The following PARM1 variants were observed in gnomAD, a reference collection of about 807,000 sequenced individuals.
The protein encoded by PARM1 is WSC4, cell wall integrity and stress response component 4 homolog.
PARM1 carries 14 observed loss-of-function variants against 24.6 expected under a neutral mutation model. The observed-to-expected ratio is 0.57, with a 90% CI of 0.38 to 0.89. PARM1 has a LOEUF of 0.89. Ranked by LOEUF, PARM1 falls within the 40% of genes least tolerant of loss-of-function variation. PARM1 has a pLI of 0.00. For missense variants in PARM1, 362 were observed against 380.4 expected, an observed-to-expected ratio of 0.95 and a Z score of 0.40; for synonymous variants, 179 against 156.6, an observed-to-expected ratio of 1.14 and a Z score of -1.07.
intron 1 of PARM1, among the ~76,000 whole-genome samples, chr4:74,947,229 A>G (rs1299733807): frequency 6.6e-6 from 1 of 152,232 alleles, no homozygotes; most frequent in Non-Finnish European, 1.5e-5. Context: ...AATTCCAACA[A>G]TCAAGTCACA....
chr4:75,024,283 G>T (rs1340170328), intron 2 of PARM1, among the ~76,000 whole-genome samples: 1 of 151,782 alleles, frequency 6.6e-6, no homozygotes, highest in East Asian at 1.9e-4. Flanking sequence ...GCAAGTTCCT[G>T]CATGGCCTTG....
intron 1 of PARM1, among the ~76,000 whole-genome samples, chr4:74,936,986 G>A (rs577488799): frequency 1.1e-4 from 17 of 152,240 alleles, no homozygotes; most frequent in African/African-American, 3.6e-4. Flanking sequence ...CTGCGCAGAC[G>A]TATTGGTCCC....
chr4:74,934,952 GTGTAT>G (rs2109977440), intron 1 of PARM1, among the ~76,000 whole-genome samples: 1 of 150,566 alleles, frequency 6.6e-6, no homozygotes, highest in Admixed American at 6.6e-5. Flanking sequence ...CTAACAAACA[GTGTAT>G]TGTAGCTTCC....
intron 1 of PARM1, among the ~76,000 whole-genome samples, chr4:74,996,976 A>G (rs1560786849): frequency 6.6e-6 from 1 of 152,234 alleles, no homozygotes; most frequent in Non-Finnish European, 1.5e-5. Context: ...TTTTCAAAAA[A>G]TAATTTTGGC....
At chr4:74,975,052 T>A (rs940311301) in intron 1 of PARM1, among the ~76,000 whole-genome samples, 2 of 152,194 alleles carry the variant, frequency 1.3e-5, no homozygotes, top group African/African-American at 4.8e-5. Context: ...GCAAGTAATA[T>A]GGGCAGCATC....
chr4:74,957,823 C>T (rs1721673183), intron 1 of PARM1, among the ~76,000 whole-genome samples: 2 of 152,130 alleles, frequency 1.3e-5, no homozygotes, highest in South Asian at 2.1e-4. Flanking sequence ...CCTTAAGCAG[C>T]TTCAGGGAGG....
chr4:75,017,744 C>A (rs1175922516), intron 2 of PARM1, among the ~76,000 whole-genome samples: 8 of 152,100 alleles, frequency 5.3e-5, no homozygotes, highest in African/African-American at 1.9e-4. Context: ...TGGGCTACAC[C>A]CTGAACCCCT....
chr4:75,043,023 A>C lies in PARM1; in HGVS notation c.849-3140A>C, dbSNP rs368725803. ...TGTTTGTATAGGAGGTGTGTCTTACAGTATAGGAGATTCAGATATAGCATT... is the reference window on the plus strand; with the variant it reads ...TGTTTGTATAGGAGGTGTGTCTTACCGTATAGGAGATTCAGATATAGCATT... On this transcript the variant is annotated intron_variant, in intron 3 of 3. Coordinates refer to ENST00000307428, the MANE Select transcript of PARM1 (RefSeq NM_015393.4). Among the ~76,000 whole-genome samples the C allele has an allele frequency of 1.7e-4, 26 of 152,214 alleles. 2 individuals are homozygous for C. The South Asian group carries it at 4.1e-3, about 24-fold the overall frequency.
rs151167014 is a variant in PARM1 at position 75,037,842 on chromosome 4, T to G, written c.848+3881T>G. Among the ~76,000 whole-genome samples, 36 of 152,324 alleles carry G rather than the reference T, an allele frequency of 2.4e-4. No individual in the cohort carries two copies. In the East Asian group the frequency reaches 6.4e-3, roughly 27 times the overall value. On this transcript the variant is annotated intron_variant, in intron 3 of 3. Coordinates refer to ENST00000307428, the MANE Select transcript of PARM1 (RefSeq NM_015393.4). The stretch of plus-strand genomic sequence containing the variant: ...AATAATATGTATCTTTCAAGGTTGT[T>G]TTAAAGACGAAATGAAGTAATGAAT...
intron 1 of PARM1, among the ~76,000 whole-genome samples, chr4:74,950,384 T>G (rs974039994): frequency 3.9e-5 from 6 of 152,154 alleles, no homozygotes; most frequent in African/African-American, 1.4e-4. Context: ...TGGGGCTGCA[T>G]CACTTCAATC....
chr4:75,024,655 T>A (rs1723149973), intron 2 of PARM1, among the ~76,000 whole-genome samples: 1 of 152,216 alleles, frequency 6.6e-6, no homozygotes, highest in Admixed American at 6.5e-5. Flanking sequence ...CCAAAGGACA[T>A]ATGCAAACTT....
chr4:74,944,735 G>C (rs1012692429), intron 1 of PARM1, among the ~76,000 whole-genome samples: 1 of 152,142 alleles, frequency 6.6e-6, no homozygotes, highest in Non-Finnish European at 1.5e-5. Flanking sequence ...TTTCAGATTG[G>C]AGGGGTAACA....
At chr4:74,993,111 T>A (rs1722510887) in intron 1 of PARM1, among the ~76,000 whole-genome samples, 1 of 152,130 alleles carries the variant, frequency 6.6e-6, no homozygotes, top group Non-Finnish European at 1.5e-5. Context: ...ATATCAGTTC[T>A]GAGATTAGGT....
At chr4:75,006,959 T>G (rs1256854498) in intron 1 of PARM1, among the ~76,000 whole-genome samples, 3 of 151,932 alleles carry the variant, frequency 2.0e-5, no homozygotes, top group African/African-American at 7.3e-5. Context: ...GGGAGAAAAT[T>G]TTTGCGATCT....
At chr4:74,956,607 C>T (rs924180406) in intron 1 of PARM1, 2 of 152,168 alleles carry the variant, frequency 1.3e-5, no homozygotes, top group Admixed American at 1.3e-4. Context: ...CTTTTCTTCC[C>T]AGGGGAAGAC....
intron 2 of PARM1, among the ~76,000 whole-genome samples, chr4:75,030,837 TGCCCCCCA>T (rs1301187556): frequency 1.3e-5 from 2 of 152,184 alleles, no homozygotes; most frequent in East Asian, 3.9e-4. Flanking sequence ...GAGGCTCCCC[TGCCCCCCA>T]GCCACACCTT....
At chr4:74,960,818 C>A (rs1721754217) in intron 1 of PARM1, among the ~76,000 whole-genome samples, 1 of 151,350 alleles carries the variant, frequency 6.6e-6, no homozygotes, top group Admixed American at 6.6e-5. Flanking sequence ...ACCATCCTGG[C>A]TAACATGGTA....
chr4:75,042,285 T>C (rs918802390), intron 3 of PARM1, among the ~76,000 whole-genome samples: 6 of 152,202 alleles, frequency 3.9e-5, no homozygotes, highest in African/African-American at 1.4e-4. Flanking sequence ...AAGTTTACCA[T>C]CTAAGCGGAG....
intron 2 of PARM1, 86 bp downstream of exon 2, chr4:75,013,236 T>C: frequency 7.1e-7 from 1 of 1,415,084 alleles, no homozygotes; most frequent in Non-Finnish European, 9.5e-7. Flanking sequence ...AATGGAAAAT[T>C]TGAATTTTGG....
Sources: gnomAD v4.1 joint callset for allele counts (sites outside exome capture counted in the v4.1 genomes callset) on GRCh38, gnomAD v4.1.1 for gene constraint, MANE v1.5 for transcripts, NCBI Gene and HGNC (gene_info 2026-07-23, HGNC 2026-07-21) for gene names.